The following ATP11A variants were observed in gnomAD, a reference collection of about 807,000 sequenced individuals.
The protein encoded by ATP11A is phospholipid-transporting ATPase IH.
A neutral mutation model predicts 154.4 loss-of-function variants in ATP11A; 81 were observed. The ratio of observed to expected loss-of-function variants is 0.52; its 90% CI spans 0.44 to 0.63. The LOEUF (loss-of-function observed/expected upper bound fraction) is 0.63, where lower values mean the gene tolerates loss of function less well. Among genes scored for constraint, ATP11A ranks in the 30% least tolerant of loss-of-function variants. The pLI is 0.00. For synonymous variants in ATP11A, 623 were observed against 585.9 expected (o/e 1.06, Z -0.91); for missense variants, 1,316 against 1,474.3 (o/e 0.89, Z 1.76).
chr13:112,756,727 C>T (rs1305989216), intron 1 of ATP11A, among the ~76,000 whole-genome samples: 2 of 152,220 alleles, frequency 1.3e-5, no homozygotes, highest in Non-Finnish European at 2.9e-5. Flanking sequence ...GGGCACGGCC[C>T]TCTGCACCCC....
chr13:112,713,125 G>A (rs1045118779), intron 1 of ATP11A, among the ~76,000 whole-genome samples: 5 of 152,194 alleles, frequency 3.3e-5, no homozygotes, highest in Non-Finnish European at 5.9e-5. Flanking sequence ...GGCTGGGCAC[G>A]GTGGCTCACA....
At position 112,859,040 on chromosome 13, in the gene ATP11A, G is replaced by C; in HGVS notation, c.2668-353G>C. On this transcript the variant is annotated intron_variant, in intron 22 of 29. Transcript: ENST00000375645. This position sits in a 1 kb window ranked among gnomAD's most constrained non-coding sequence, Gnocchi z 4.3. Reference sequence around the variant, plus strand: ...CCCTTTTCTCCCCCCACAGAATTGAGTGTGGAACCAGTGAGAACCTTTCAG... The same window carrying C: ...CCCTTTTCTCCCCCCACAGAATTGACTGTGGAACCAGTGAGAACCTTTCAG... 1 of 295,038 alleles carries C rather than the reference G, an allele frequency of 3.4e-6. No homozygotes were observed. Among genetic ancestry groups the C allele is most frequent in the South Asian group, 3.2e-5 (1 of 31,206 alleles). 18.3% of individuals were successfully genotyped at this position (295,038 alleles called of 1,614,324 possible).
chr13:112,733,627 C>G (rs1206896455), intron 1 of ATP11A, among the ~76,000 whole-genome samples: 1 of 152,208 alleles, frequency 6.6e-6, no homozygotes, highest in African/African-American at 2.4e-5. Context: ...CCCACATTAT[C>G]ACATTAAACT....
At chr13:112,742,172 G>A (rs1344420978) in intron 1 of ATP11A, among the ~76,000 whole-genome samples, 1 of 152,242 alleles carries the variant, frequency 6.6e-6, no homozygotes, top group East Asian at 1.9e-4. Flanking sequence ...GATCTAGATG[G>A]TGCCAGGTTG....
In ATP11A at chr13:112,881,897, T is replaced by A. The variant is rs1221237811; in HGVS notation, c.*31T>A. On this transcript the variant is annotated 3_prime_UTR_variant, in exon 30 of 30. Coordinates refer to ENST00000375645, the MANE Select transcript of ATP11A (RefSeq NM_015205.3). ...GCAGAGCCCAGGCTACCAGAGCACC[T>A]GTCCCTCGGCCGCCTGGTACAGCTC... 2 of 1,367,666 alleles carry A rather than the reference T, an allele frequency of 1.5e-6. No homozygotes were observed. Among genetic ancestry groups the A allele is most frequent in the Admixed American group, 3.8e-5 (2 of 52,578 alleles). 84.7% of individuals were successfully genotyped at this position (1,367,666 alleles called of 1,614,324 possible). A position where few individuals can be genotyped will look rare whatever the true frequency, so the allele number is the denominator to read the frequency against.
In ATP11A at chr13:112,851,065, A is replaced by G; in HGVS notation, c.1838A>G (p.Tyr613Cys). The G allele has an allele frequency of 6.2e-7, 1 of 1,614,212 alleles. No individual in the cohort carries two copies. Among genetic ancestry groups the G allele is most frequent in the Non-Finnish European group, 8.5e-7 (1 of 1,180,016 alleles). Residue 613 changes from tyrosine to cysteine, a missense_variant, in exon 18 of 30, where the codon TAT becomes TGT. Tyr to Cys is a radical substitution (Grantham distance 194). This residue lies in a region of ATP11A where 876 missense variants were observed against 1,006.8 expected (regional missense o/e 0.87). Coordinates refer to ENST00000375645, the MANE Select transcript of ATP11A (RefSeq NM_015205.3). ...VEGLRTLCVA[Y>C]KRLIQEEYEG... ...GGGCTCCGAACTTTGTGTGTTGCTT[A>G]TAAAAGGCTGATCCAAGAAGAATAT...
At position 112,822,497 on chromosome 13, in the gene ATP11A, A is replaced by G. The variant is rs562016375; in HGVS notation, c.726-848A>G. On this transcript the variant is annotated intron_variant, in intron 8 of 29. Coordinates refer to ENST00000375645, the MANE Select transcript of ATP11A (RefSeq NM_015205.3). The stretch of plus-strand genomic sequence containing the variant: ...TTCAGAGGAGCTTTGCAGTGTGGCT[A>G]CCAGTGTTTCTAATGGCCAGATAGA... Among the ~76,000 whole-genome samples, 10 of 152,238 alleles carry G rather than the reference A, an allele frequency of 6.6e-5. No individual in the cohort carries two copies. In the East Asian group the frequency reaches 1.7e-3, roughly 27 times the overall value.
chr13:112,762,158 G>A (rs559403091), intron 1 of ATP11A, among the ~76,000 whole-genome samples: 2 of 152,178 alleles, frequency 1.3e-5, no homozygotes, highest in Non-Finnish European at 2.9e-5. Context: ...CCTTCACAGG[G>A]CAGCTAACTG....
At chr13:112,804,708 T>C (rs2078275523) in intron 2 of ATP11A, among the ~76,000 whole-genome samples, 1 of 152,010 alleles carries the variant, frequency 6.6e-6, no homozygotes, top group African/African-American at 2.4e-5. Context: ...ATCAAACTAT[T>C]GTTGAGCTAC....
chr13:112,782,658 G>T (rs116972841), intron 1 of ATP11A, among the ~76,000 whole-genome samples: 2 of 152,206 alleles, frequency 1.3e-5, no homozygotes, highest in Non-Finnish European at 2.9e-5. Flanking sequence ...GAAGGCCCCC[G>T]TCAGGCAGGG....
At position 112,836,288 on chromosome 13, in the gene ATP11A, C is replaced by T. The variant is rs376457158; in HGVS notation, c.1705+37C>T. On this transcript the variant is annotated intron_variant, in intron 16 of 29. Transcript: ENST00000375645. ...TTTTCTTTTGATTTATTAAGTTATA[C>T]GTGGTGGTTGTGTTTTATTCTGATG... 2.2e-5 allele frequency: 30 copies of T among 1,355,924 alleles called. 1 individual carries two copies. Among genetic ancestry groups the T allele is most frequent in the Middle Eastern group, 1.8e-4 (1 of 5,514 alleles). The allele number at this position is 1,355,924 out of a possible 1,614,324, so 84.0% of individuals were successfully genotyped here. A position where few individuals can be genotyped will look rare whatever the true frequency, so the allele number is the denominator to read the frequency against.
At chr13:112,748,112 CA>C (rs1892385292) in intron 1 of ATP11A, among the ~76,000 whole-genome samples, 1 of 152,186 alleles carries the variant, frequency 6.6e-6, no homozygotes, top group Non-Finnish European at 1.5e-5. Context: ...GTGTGAAACA[CA>C]AATGAATTTT....
intron 1 of ATP11A, among the ~76,000 whole-genome samples, chr13:112,693,311 T>A (rs1885406491): frequency 6.6e-6 from 1 of 151,646 alleles, no homozygotes; most frequent in South Asian, 2.1e-4. Flanking sequence ...CTCCCTGGGG[T>A]GATGTATGTG....
intron 12 of ATP11A, 146 bp downstream of exon 12, chr13:112,827,037 T>G: frequency 4.0e-6 from 3 of 753,668 alleles, no homozygotes; most frequent in Non-Finnish European, 4.5e-6. Context: ...GAACCCTATT[T>G]ATGAAACAGT....
chr13:112,832,425 A>G (rs748383479), intron 13 of ATP11A, among the ~76,000 whole-genome samples: 1 of 152,238 alleles, frequency 6.6e-6, no homozygotes, highest in Non-Finnish European at 1.5e-5. Context: ...GGTCACGCCT[A>G]GTCTAACACA....
intron 1 of ATP11A, among the ~76,000 whole-genome samples, chr13:112,760,139 C>G (rs1219884353): frequency 6.6e-6 from 1 of 152,212 alleles, no homozygotes; most frequent in East Asian, 1.9e-4. Context: ...ATAAACAAAA[C>G]GTGAGTCTTT....
intron 1 of ATP11A, among the ~76,000 whole-genome samples, chr13:112,710,235 G>T (rs929119371): frequency 1.4e-4 from 22 of 152,178 alleles, no homozygotes; most frequent in African/African-American, 5.3e-4. Flanking sequence ...TGCTGCCTTG[G>T]GGGCCCTTTG....
chr13:112,772,332 G>A (rs994514198), intron 1 of ATP11A, among the ~76,000 whole-genome samples: 1 of 152,218 alleles, frequency 6.6e-6, no homozygotes, highest in African/African-American at 2.4e-5. Flanking sequence ...TGCTGACCTG[G>A]AGCGGCTGCG....
chr13:112,869,952 C>T (rs532478209), intron 25 of ATP11A, among the ~76,000 whole-genome samples: 4 of 152,338 alleles, frequency 2.6e-5, no homozygotes, highest in East Asian at 1.9e-4. Context: ...GGGCCACTGT[C>T]GTGTGCACTC....
Sources: allele counts gnomAD v4.1 joint callset (sites outside exome capture counted in the v4.1 genomes callset), GRCh38; gene constraint gnomAD v4.1.1; regional missense constraint gnomAD v4.1.1; non-coding constraint Gnocchi (gnomAD v3.1); transcripts MANE v1.5; gene names NCBI Gene and HGNC (gene_info 2026-07-23, HGNC 2026-07-21).